The following DCUN1D3 variants were observed in gnomAD, a reference collection of about 807,000 sequenced individuals.
DCUN1D3 encodes the protein DCN1-like protein 3.
A neutral mutation model predicts 24.8 loss-of-function variants in DCUN1D3; 6 were observed. The ratio of observed to expected loss-of-function variants is 0.24; its 90% CI spans 0.13 to 0.48. DCUN1D3 has a LOEUF of 0.48. Ranked by LOEUF, DCUN1D3 falls within the 20% of genes least tolerant of loss-of-function variation. The pLI is 0.99. For synonymous variants in DCUN1D3, 120 were observed against 144.9 expected (o/e 0.83, Z 1.24); for missense variants, 258 against 379.4 (o/e 0.68, Z 2.66).
At chr16:20,886,796 G>A (rs2081869754) in intron 1 of DCUN1D3, among the ~76,000 whole-genome samples, 1 of 152,136 alleles carries the variant, frequency 6.6e-6, no homozygotes, top group African/African-American at 2.4e-5. Flanking sequence ...CAGCCCTTCT[G>A]TCTATAAAGC....
intron 1 of DCUN1D3, among the ~76,000 whole-genome samples, chr16:20,883,328 C>T (rs931589305): frequency 9.2e-5 from 14 of 152,000 alleles, no homozygotes; most frequent in African/African-American, 2.9e-4. Flanking sequence ...CTGGCTAACA[C>T]GGTGAAACCC....
At chr16:20,881,208 AG>A (rs2081841854) in intron 1 of DCUN1D3, among the ~76,000 whole-genome samples, 1 of 152,228 alleles carries the variant, frequency 6.6e-6, no homozygotes, top group Admixed American at 6.5e-5. Flanking sequence ...TATTTACCCA[AG>A]CCTGGGCAAC....
intron 1 of DCUN1D3, among the ~76,000 whole-genome samples, chr16:20,865,846 AG>A (rs1413085162): frequency 6.6e-6 from 1 of 152,240 alleles, no homozygotes; most frequent in Non-Finnish European, 1.5e-5. Context: ...CTGAGTATAC[AG>A]TAAGTTTAAA....
Position 20,878,928 on chromosome 16 carries a change from C to G in DCUN1D3, c.-105-16285G>C, listed in dbSNP as rs2081829319. On this transcript the variant is annotated intron_variant, in intron 1 of 2. Coordinates refer to ENST00000324344, the MANE Select transcript of DCUN1D3 (RefSeq NM_173475.4). ...GGGCCCCCAAAGCCAGAGGTACTTG[C>G]TGAGAAAGCAAAGGGCAGATTCCAC... Among the ~76,000 whole-genome samples, 3 of 152,322 alleles carry G rather than the reference C, an allele frequency of 2.0e-5. No homozygotes were observed. In the South Asian group the frequency reaches 6.2e-4, roughly 32 times the overall value.
chr16:20,890,270 G>T (rs971705291), intron 1 of DCUN1D3, among the ~76,000 whole-genome samples: 6 of 152,118 alleles, frequency 3.9e-5, no homozygotes, highest in Non-Finnish European at 2.9e-5. Context: ...TTCAGGTAAC[G>T]TACAAATACC....
chr16:20,876,210 G>A (rs1050719041), intron 1 of DCUN1D3, among the ~76,000 whole-genome samples: 3 of 152,038 alleles, frequency 2.0e-5, no homozygotes, highest in Non-Finnish European at 2.9e-5. Context: ...CAGGTGATCC[G>A]CCTGCCTCAG....
chr16:20,860,156 C>A lies in DCUN1D3; in HGVS notation c.645G>T (p.Gln215His), dbSNP rs145837764. The A allele has an allele frequency of 6.2e-7, 1 of 1,614,102 alleles. No homozygotes were observed. Among genetic ancestry groups the A allele is most frequent in the African/African-American group, 1.3e-5 (1 of 74,930 alleles). ...AIALWKLVFT[Q>H]NNPPVLDQWL... is the part of the protein sequence containing the mutation. ...ATTGGTCCAATACCGGAGGATTGTT[C>A]TGGGTAAAGACTAGTTTCCACAGGG... Residue 215 changes from glutamine to histidine, a missense_variant, in exon 3 of 3, where the codon CAG (glutamine) becomes CAT (histidine). By Grantham distance (24) the Gln-to-His change is conservative. Coordinates refer to ENST00000324344, the MANE Select transcript of DCUN1D3 (RefSeq NM_173475.4). The surrounding 1 kb of genome is among the most constrained non-coding windows in gnomAD (Gnocchi z 4.3).
chr16:20,866,830 C>T (rs1427382915), intron 1 of DCUN1D3, among the ~76,000 whole-genome samples: 1 of 152,112 alleles, frequency 6.6e-6, no homozygotes, highest in African/African-American at 2.4e-5. Context: ...GTATGGTCCC[C>T]CGATTACTCT....
chr16:20,855,647 G>A lies in DCUN1D3; in HGVS notation c.*4239C>T, dbSNP rs192235962. On this transcript the variant is annotated 3_prime_UTR_variant, in exon 3 of 3. Transcript: ENST00000324344. Reference sequence around the variant, plus strand: ...AAGAATCTATTTCATCTTTCGAAAAGGGGGAAAACCCCTGCCGATCCTCAC... The same window carrying A: ...AAGAATCTATTTCATCTTTCGAAAAAGGGGAAAACCCCTGCCGATCCTCAC... 1 of 152,300 alleles carries A rather than the reference G, an allele frequency of 6.6e-6. No individual in the cohort carries two copies. Among genetic ancestry groups the A allele is most frequent in the Admixed American group, 6.5e-5 (1 of 15,300 alleles). 9.4% of individuals were successfully genotyped at this position (152,300 alleles called of 1,614,324 possible).
intron 1 of DCUN1D3, among the ~76,000 whole-genome samples, chr16:20,870,062 T>C (rs2081780569): frequency 6.6e-6 from 1 of 152,130 alleles, no homozygotes; most frequent in Admixed American, 6.5e-5. Flanking sequence ...TGGTGTGAAA[T>C]CCTCCTGAGC....
intron 1 of DCUN1D3, among the ~76,000 whole-genome samples, chr16:20,893,255 C>T (rs374714515): frequency 9.2e-5 from 14 of 152,122 alleles, no homozygotes; most frequent in South Asian, 8.3e-4. Flanking sequence ...CTCACTGCAG[C>T]CTGACCTTCT....
At chr16:20,896,537 C>T (rs1056006135) in intron 1 of DCUN1D3, among the ~76,000 whole-genome samples, 12 of 151,908 alleles carry the variant, frequency 7.9e-5, no homozygotes, top group Non-Finnish European at 1.5e-4. Context: ...CAAGTCCCCT[C>T]CTACCCACCC....
chr16:20,881,324 T>C (rs886268708), intron 1 of DCUN1D3, among the ~76,000 whole-genome samples: 3 of 152,186 alleles, frequency 2.0e-5, no homozygotes, highest in Non-Finnish European at 2.9e-5. Context: ...AGAGAACTGC[T>C]TGAGCCCAGG....
chr16:20,872,205 G>T (rs1011264108), intron 1 of DCUN1D3, among the ~76,000 whole-genome samples: 8 of 152,244 alleles, frequency 5.3e-5, no homozygotes, highest in Non-Finnish European at 8.8e-5. Flanking sequence ...TGAGAACTTG[G>T]GAGTCAGCAA....
At chr16:20,878,992 T>A (rs769918656) in intron 1 of DCUN1D3, among the ~76,000 whole-genome samples, 1 of 152,154 alleles carries the variant, frequency 6.6e-6, no homozygotes, top group Non-Finnish European at 1.5e-5. Context: ...TGCTTAACCA[T>A]GTGAAACAGC....
intron 2 of DCUN1D3, among the ~76,000 whole-genome samples, chr16:20,861,437 T>G (rs2081731974): frequency 2.1e-5 from 3 of 145,920 alleles, no homozygotes; most frequent in South Asian, 2.2e-4. Context: ...GTACTCACAG[T>G]GCAAGTGGCT....
intron 1 of DCUN1D3, among the ~76,000 whole-genome samples, chr16:20,880,417 T>A (rs1299404562): frequency 6.6e-6 from 1 of 151,772 alleles, no homozygotes; most frequent in East Asian, 1.9e-4. Context: ...TTGGGCAACA[T>A]AGGGAGACCC....
At chr16:20,875,910 A>C (rs1322784932) in intron 1 of DCUN1D3, among the ~76,000 whole-genome samples, 1 of 152,194 alleles carries the variant, frequency 6.6e-6, no homozygotes, top group African/African-American at 2.4e-5. Context: ...AGAATATATA[A>C]GGAGCTCAAA....
chr16:20,885,189 T>C (rs1174563039), intron 1 of DCUN1D3, among the ~76,000 whole-genome samples: 1 of 152,066 alleles, frequency 6.6e-6, no homozygotes, highest in African/African-American at 2.4e-5. Context: ...TTGGCCAGGA[T>C]GGTCTCCATC....
Sources: gnomAD v4.1 joint callset for allele counts (sites outside exome capture counted in the v4.1 genomes callset) on GRCh38, gnomAD v4.1.1 for gene constraint, Gnocchi (gnomAD v3.1) non-coding constraint, MANE v1.5 for transcripts, NCBI Gene and HGNC (gene_info 2026-07-23, HGNC 2026-07-21) for gene names.